NOL4: variants seen among roughly 807,000 people sequenced by gnomAD.
The protein encoded by NOL4 is cancer/testis antigen 125.
A neutral mutation model predicts 75.9 loss-of-function variants in NOL4; 17 were observed. That is an observed-to-expected ratio of 0.22 (90% confidence interval 0.15 to 0.34). The LOEUF (loss-of-function observed/expected upper bound fraction) is 0.34, where lower values mean the gene tolerates loss of function less well. Among genes scored for constraint, NOL4 ranks in the 10% least tolerant of loss-of-function variants. The pLI, the probability that NOL4 is intolerant of heterozygous loss-of-function variation, is 1.00. For missense variants in NOL4, 614 were observed against 793.5 expected (o/e 0.77, Z 2.72); for synonymous variants, 292 against 289.9 (o/e 1.01, Z -0.07).
chr18:33,893,006 A>AT (rs2065188707), intron 9 of NOL4, among the ~76,000 whole-genome samples: 1 of 151,970 alleles, frequency 6.6e-6, no homozygotes, highest in African/African-American at 2.4e-5. Flanking sequence ...CATATTTCAA[A>AT]TTTTTTATAA....
In NOL4 at chr18:34,021,643, G is replaced by A. The variant is rs188350976; in HGVS notation, c.773-2042C>T. Reference sequence around the variant, plus strand: ...ATGAAGGGGCAAAATGGAAGTTGGGGAGACCAGTTAAGAGATTTAGAAGTC... The same window carrying A: ...ATGAAGGGGCAAAATGGAAGTTGGGAAGACCAGTTAAGAGATTTAGAAGTC... On this transcript the variant is annotated intron_variant, in intron 5 of 10. Transcript: ENST00000261592. 9.4e-3 allele frequency among the ~76,000 whole-genome samples: 1,428 copies of A among 152,186 alleles called. 10 individuals carry two copies. The highest frequency in any genetic ancestry group is 0.018 in the South Asian group (87 of 4,808).
chr18:34,118,940 A>G (rs1304864112), intron 2 of NOL4, among the ~76,000 whole-genome samples: 1 of 152,196 alleles, frequency 6.6e-6, no homozygotes, highest in African/African-American at 2.4e-5. Flanking sequence ...GCAAATATCT[A>G]TTGAATGCAT....
chr18:34,019,332 C>T lies in NOL4; in HGVS notation c.1042G>A (p.Glu348Lys), dbSNP rs1477716527. 1 of 1,613,082 alleles carries T rather than the reference C, an allele frequency of 6.2e-7. No homozygotes were observed. Among genetic ancestry groups the T allele is most frequent in the Non-Finnish European group, 8.5e-7 (1 of 1,179,238 alleles). ...TGTGATCATACCTTGCTTCCATTTT[C>T]TCTCGCCTCTCGTTCCATCTTGAGG... ...SDLKMEREAR[E>K]NGSKSPAHSY... The change falls in exon 6 of 11, where the codon GAA becomes AAA. Residue 348 changes from glutamate to lysine, a missense_variant. Glu to Lys is a moderately conservative substitution (Grantham distance 56). Around this residue, in one of 9 missense-constraint regions of NOL4, gnomAD observed 196 missense variants for 167.9 expected, o/e 1.17. Coordinates refer to ENST00000261592, the MANE Select transcript of NOL4 (RefSeq NM_003787.5).
intron 5 of NOL4, among the ~76,000 whole-genome samples, chr18:34,067,110 T>C (rs1240552910): frequency 1.3e-5 from 2 of 152,140 alleles, no homozygotes; most frequent in African/African-American, 2.4e-5. Context: ...AGATGTGTTA[T>C]AGAGAACATA....
chr18:34,033,292 A>G (rs1264114549), intron 5 of NOL4, among the ~76,000 whole-genome samples: 4 of 152,154 alleles, frequency 2.6e-5, no homozygotes, highest in Non-Finnish European at 5.9e-5. Context: ...AATCTGAAAA[A>G]CAATTTAAAG....
At chr18:33,995,321 A>G (rs2073198524) in intron 6 of NOL4, among the ~76,000 whole-genome samples, 1 of 151,668 alleles carries the variant, frequency 6.6e-6, no homozygotes. Context: ...AAAACTAAAG[A>G]CTACTATTTT....
chr18:33,935,561 A>G (rs1038442908), intron 9 of NOL4, among the ~76,000 whole-genome samples: 6 of 152,142 alleles, frequency 3.9e-5, no homozygotes, highest in Non-Finnish European at 7.4e-5. Context: ...TACTGATCAC[A>G]GATCACTATA....
chr18:34,128,323 T>C (rs1489538966), intron 2 of NOL4, among the ~76,000 whole-genome samples: 1 of 151,972 alleles, frequency 6.6e-6, no homozygotes, highest in African/African-American at 2.4e-5. Flanking sequence ...TTTTTATTCA[T>C]TTAATACAAT....
chr18:33,862,894 C>G (rs2063226357), intron 10 of NOL4, among the ~76,000 whole-genome samples: 2 of 152,136 alleles, frequency 1.3e-5, no homozygotes, highest in Admixed American at 6.5e-5. Context: ...CTAGAAATAC[C>G]ATTTGACCCA....
At chr18:34,110,748 G>A (rs1418484722) in intron 2 of NOL4, among the ~76,000 whole-genome samples, 1 of 152,030 alleles carries the variant, frequency 6.6e-6, no homozygotes, top group Non-Finnish European at 1.5e-5. Context: ...AATTTTCTTT[G>A]CTTACAAGTG....
At chr18:34,152,675 G>A (rs2081701990) in intron 1 of NOL4, among the ~76,000 whole-genome samples, 1 of 151,802 alleles carries the variant, frequency 6.6e-6, no homozygotes, top group South Asian at 2.1e-4. Flanking sequence ...CACCAAGTGA[G>A]AAGGCAATAC....
At chr18:33,860,408 T>C (rs563286366) in intron 10 of NOL4, among the ~76,000 whole-genome samples, 1 of 152,190 alleles carries the variant, frequency 6.6e-6, no homozygotes, top group Non-Finnish European at 1.5e-5. Context: ...AAGTCTCATC[T>C]GAGACAAGGC....
chr18:34,015,042 G>A (rs1303855746), intron 6 of NOL4, among the ~76,000 whole-genome samples: 1 of 151,992 alleles, frequency 6.6e-6, no homozygotes, highest in African/African-American at 2.4e-5. Context: ...GAAATGTAGT[G>A]TCACTTCAAA....
chr18:34,137,437 T>C (rs570349444), intron 1 of NOL4, among the ~76,000 whole-genome samples: 5 of 152,146 alleles, frequency 3.3e-5, no homozygotes, highest in African/African-American at 9.6e-5. Flanking sequence ...AACTCAGTAA[T>C]AGAAAGTCAA....
intron 9 of NOL4, among the ~76,000 whole-genome samples, chr18:33,895,020 T>A (rs1342253156): frequency 6.6e-6 from 1 of 152,138 alleles, no homozygotes; most frequent in Non-Finnish European, 1.5e-5. Flanking sequence ...GATAGATATG[T>A]CAATTAGCTT....
At chr18:33,924,271 C>A (rs1156362991) in intron 9 of NOL4, among the ~76,000 whole-genome samples, 3 of 152,186 alleles carry the variant, frequency 2.0e-5, no homozygotes, top group African/African-American at 4.8e-5. Flanking sequence ...CAGTGAAAGG[C>A]AACAGTAGCC....
chr18:33,981,777 T>C (rs925021846), intron 6 of NOL4, among the ~76,000 whole-genome samples: 5 of 152,100 alleles, frequency 3.3e-5, no homozygotes, highest in African/African-American at 1.2e-4. Flanking sequence ...GGAGGTCAAA[T>C]AAAAATATTT....
intron 5 of NOL4, among the ~76,000 whole-genome samples, chr18:34,046,618 A>ATATATATATATATATATATG (rs1213658685): frequency 3.4e-4 from 39 of 114,310 alleles, no homozygotes; most frequent in Non-Finnish European, 6.7e-4. Flanking sequence ...ATATATATAT[A>ATATATATATATATATATATG]TATATATATA....
intron 9 of NOL4, among the ~76,000 whole-genome samples, chr18:33,938,801 T>C (rs1369620516): frequency 6.6e-6 from 1 of 152,206 alleles, no homozygotes; most frequent in Non-Finnish European, 1.5e-5. Context: ...TTTGTCAATT[T>C]TGGCTCTTGT....
Sources: gnomAD v4.1 joint callset for allele counts (sites outside exome capture counted in the v4.1 genomes callset) on GRCh38, gnomAD v4.1.1 for gene constraint, gnomAD v4.1.1 regional missense constraint, MANE v1.5 for transcripts, NCBI Gene and HGNC (gene_info 2026-07-23, HGNC 2026-07-21) for gene names.